Variants in NIT1 observed in about 807,000 individuals in gnomAD.
The protein encoded by NIT1 is deaminated glutathione amidase.
A neutral mutation model predicts 36.8 loss-of-function variants in NIT1; 30 were observed. The observed-to-expected ratio is 0.82, with a 90% CI of 0.61 to 1.11. NIT1 has a LOEUF of 1.11. Ranked by LOEUF, NIT1 falls within the 50% of genes least tolerant of loss-of-function variation. The pLI is 0.00. For synonymous variants in NIT1, 151 were observed against 155.6 expected (o/e 0.97, Z 0.22); for missense variants, 438 against 410.6 (o/e 1.07, Z -0.58).
At chr1:161,118,712 G>A (rs1281789276) in intron 1 of NIT1, 74 bp from the exon 2 acceptor site, 8 of 1,477,824 alleles carry the variant, frequency 5.4e-6, no homozygotes, top group Non-Finnish European at 7.6e-6. Context: ...ACAGTATAAA[G>A]AGAGAAGTCA....
chr1:161,120,342 C>T, intron 6 of NIT1, 110 bp downstream of exon 6: 1 of 1,472,346 alleles, frequency 6.8e-7, no homozygotes, highest in Non-Finnish European at 9.3e-7. Flanking sequence ...AAAACTCATT[C>T]CCCAGATATT....
At chr1:161,119,679 T>C in intron 4 of NIT1, 67 bp downstream of exon 4, 4 of 1,584,238 alleles carry the variant, frequency 2.5e-6, no homozygotes, top group Non-Finnish European at 3.5e-6. Context: ...CCAGAATTGT[T>C]TCTCAACTCT....
At chr1:161,124,343 T>A (rs1437593336), downstream of NIT1, 2 of 1,614,100 alleles carry the variant, frequency 1.2e-6, no homozygotes, top group South Asian at 2.2e-5. Context: ...CGCGCACATC[T>A]CTGTGTGTCA....
chr1:161,122,595 C>G (rs971915248), downstream of NIT1: 11 of 1,538,874 alleles, frequency 7.1e-6, no homozygotes, highest in African/African-American at 1.5e-4. The surrounding 1 kb of genome is among the most constrained non-coding windows in gnomAD (Gnocchi z 4.2). Context: ...AGCTTGAAAA[C>G]TGAAAAGCAC....
chr1:161,120,023 T>G, intron 5 of NIT1, 71 bp downstream of exon 5: 2 of 1,607,470 alleles, frequency 1.2e-6, no homozygotes. Flanking sequence ...TAGAAAGCCC[T>G]AAGAGAGGGG....
Position 161,120,711 on chromosome 1 carries a change from G to C in NIT1, c.930G>C (p.Val310=), listed in dbSNP as rs774026600. 6.2e-7 allele frequency: 1 copy of C among 1,613,996 alleles called. No homozygotes were observed. Among genetic ancestry groups the C allele is most frequent in the South Asian group, 1.1e-5 (1 of 91,088 alleles). ...YLRQLRRHLP[V]FQHRRPDLYG... is the part of the protein sequence containing the mutation. ...GACAGTTGCGCCGACACCTGCCTGT[G>C]TTCCAGCACCGCAGGCCTGACCTCT... The change falls in exon 7 of 7, where the codon GTG becomes GTC. Residue 310 remains valine, a synonymous_variant. Coordinates refer to ENST00000368009, the MANE Select transcript of NIT1 (RefSeq NM_005600.3).
At chr1:161,122,545 G>A (rs751002165), downstream of NIT1, 4 of 1,604,302 alleles carry the variant, frequency 2.5e-6, no homozygotes, top group South Asian at 2.2e-5. The surrounding 1 kb of genome is among the most constrained non-coding windows in gnomAD (Gnocchi z 4.2). Flanking sequence ...AGAAGATACA[G>A]AGCAGAAGAG....
chr1:161,122,573 G>A, downstream of NIT1: 2 of 1,569,744 alleles, frequency 1.3e-6, no homozygotes, highest in Non-Finnish European at 1.7e-6. This position sits in a 1 kb window ranked among gnomAD's most constrained non-coding sequence, Gnocchi z 4.2. Context: ...TAAGGGATGA[G>A]TTTACAAGCC....
chr1:161,124,743 C>T, downstream of NIT1: 2 of 452,524 alleles, frequency 4.4e-6, no homozygotes, highest in Non-Finnish European at 6.9e-6. Flanking sequence ...AGGAGGATCA[C>T]TTGAGCCCAG....
At chr1:161,123,394 C>T (rs1655752597), downstream of NIT1, among the ~76,000 whole-genome samples, 1 of 152,318 alleles carries the variant, frequency 6.6e-6, no homozygotes, top group African/African-American at 2.4e-5. Flanking sequence ...AATCCCAGCA[C>T]TTTGGGAGGC....
At chr1:161,120,067 A>G in intron 5 of NIT1, 40 bp from the exon 6 acceptor site, 1 of 1,612,860 alleles carries the variant, frequency 6.2e-7, no homozygotes, top group Non-Finnish European at 8.5e-7. Flanking sequence ...TGTGACAAAC[A>G]GAGCAGGAAG....
chr1:161,118,438 A>C, intron 1 of NIT1: 1 of 1,536,018 alleles, frequency 6.5e-7, no homozygotes, highest in Non-Finnish European at 8.7e-7. Context: ...CGAGTCAGTA[A>C]AGCTGCGCAA....
At position 161,119,261 on chromosome 1, in the gene NIT1, A is replaced by G. The variant is rs1397704366; in HGVS notation, c.226A>G (p.Arg76Gly). The change falls in exon 3 of 7, where the codon AGA becomes GGA. Residue 76 changes from arginine (R) to glycine (G), a missense_variant. Arg to Gly is a moderately radical substitution (Grantham distance 125, BLOSUM62 -2). Transcript: ENST00000368009. The part of the protein sequence containing the change: ...TCAELVREAA[R>G]LGACLAFLPE... ...TGCTGAGCTGGTTCGAGAGGCTGCC[A>G]GACTGGGTGCCTGCCTGGCTTTCCT... 1.9e-6 allele frequency: 3 copies of G among 1,614,106 alleles called. No homozygotes were observed. The highest frequency in any genetic ancestry group is 2.5e-6 in the Non-Finnish European group (3 of 1,180,050).
At position 161,119,955 on chromosome 1, in the gene NIT1, AG is replaced by A; in HGVS notation, c.591+5del. ...CTGTCAGCACACCAGCAGGCAAGGT[AG>A]GAGTTGTGAAAGGATGAGGGAGGGG... On this transcript the variant is annotated splice_donor_region_variant and intron_variant, in intron 5 of 6. Coordinates refer to ENST00000368009, the MANE Select transcript of NIT1 (RefSeq NM_005600.3). 1.2e-6 allele frequency: 2 copies of A among 1,607,582 alleles called. No individual in the cohort carries two copies. The highest frequency in any genetic ancestry group is 1.7e-6 in the Non-Finnish European group (2 of 1,177,040).
chr1:161,118,507 T>C, intron 1 of NIT1: 1 of 1,536,172 alleles, frequency 6.5e-7, no homozygotes, highest in East Asian at 2.4e-5. Context: ...AGATGACTTT[T>C]GGACTGCGGA....
downstream of NIT1, chr1:161,123,256 G>C (rs368552890): frequency 2.5e-6 from 4 of 1,585,850 alleles, no homozygotes; most frequent in Non-Finnish European, 3.5e-6. Context: ...AAACACAGTA[G>C]GGTAAAGGCA....
Position 161,118,195 on chromosome 1 carries a change from A to T in NIT1, c.2+17A>T. The T allele has an allele frequency of 6.2e-7, 1 of 1,613,998 alleles. No individual in the cohort carries two copies. The highest frequency in any genetic ancestry group is 8.5e-7 in the Non-Finnish European group (1 of 1,179,916). On this transcript the variant is annotated intron_variant, in intron 1 of 6. Transcript: ENST00000368009. ...TATCTTCATGTAGGACCTACTCCCT[A>T]TCCCGTCGGCCGCGGTGAATCCCAC... is the stretch of plus-strand genomic sequence containing the variant.
In NIT1 at chr1:161,119,916, C is replaced by G. The variant is rs754549554; in HGVS notation, c.555C>G (p.Pro185=). 18 of 1,612,338 alleles carry G rather than the reference C, an allele frequency of 1.1e-5. No individual in the cohort carries two copies. The highest frequency in any genetic ancestry group is 1.7e-5 in the Admixed American group (1 of 59,848). ...MCESNSTMPG[P]SLESPVSTPA... is the part of the protein sequence containing the mutation. ...AAAGCAACTCTACCATGCCTGGGCC[C>G]AGTCTTGAGTCACCTGTCAGCACAC... is the stretch of plus-strand genomic sequence containing the variant. Residue 185 remains proline (P), a synonymous_variant, in exon 5 of 7, where the codon CCC becomes CCG. Transcript: ENST00000368009.
rs1655435195 is a variant in NIT1 at position 161,121,050 on chromosome 1, TATA to T, written c.*291_*293del. ...GCTGAGCAGCACTGGCATTGAAAAA[TATA>T]ATAATCATAAAGTCTGTGTCTGGAC... is the stretch of plus-strand genomic sequence containing the variant. On this transcript the variant is annotated 3_prime_UTR_variant, in exon 7 of 7. Transcript: ENST00000368009. 2.3e-6 allele frequency: 3 copies of T among 1,279,710 alleles called. No individual in the cohort carries two copies. The Admixed American group carries it at 1.1e-4, about 47-fold the overall frequency. The allele number at this position is 1,279,710 out of a possible 1,614,324, so 79.3% of individuals were successfully genotyped here. A position where few individuals can be genotyped will look rare whatever the true frequency, so the allele number is the denominator to read the frequency against.
Sources: gnomAD v4.1 joint callset for allele counts (sites outside exome capture counted in the v4.1 genomes callset) on GRCh38, gnomAD v4.1.1 for gene constraint, Gnocchi (gnomAD v3.1) non-coding constraint, MANE v1.5 for transcripts, NCBI Gene and HGNC (gene_info 2026-07-23, HGNC 2026-07-21) for gene names.